EFCAB11: variants seen among roughly 807,000 people sequenced by gnomAD.
EFCAB11 encodes EF-hand calcium-binding domain-containing protein 11.
A neutral mutation model predicts 23.0 loss-of-function variants in EFCAB11; 14 were observed. The observed-to-expected ratio is 0.61, with a 90% CI of 0.40 to 0.95. The LOEUF is 0.95. EFCAB11 is among the 40% of genes least tolerant of loss of function. The probability of loss-of-function intolerance (pLI) is 0.00; values close to 1 mark genes in which losing one functional copy is unlikely to be tolerated. For missense variants in EFCAB11, 198 were observed against 195.8 expected (o/e 1.01, Z -0.07); for synonymous variants, 65 against 66.6 (o/e 0.98, Z 0.11).
chr14:89,799,749 A>G (rs190138957), intron 5 of EFCAB11, among the ~76,000 whole-genome samples: 122 of 151,802 alleles, frequency 8.0e-4, no homozygotes, highest in African/African-American at 2.9e-3. Context: ...GCCCCACAGC[A>G]GAGGATGAAT....
At chr14:89,875,411 T>C (rs1215702764) in intron 5 of EFCAB11, among the ~76,000 whole-genome samples, 1 of 151,998 alleles carries the variant, frequency 6.6e-6, no homozygotes, top group East Asian at 1.9e-4. Flanking sequence ...AGCCAAACCA[T>C]ATAGCCACAC....
In EFCAB11 at chr14:89,822,447, C is replaced by T. The variant is rs561649458; in HGVS notation, c.411-25123G>A. 2.6e-4 allele frequency among the ~76,000 whole-genome samples: 40 copies of T among 152,278 alleles called. No individual in the cohort carries two copies. In the South Asian group the frequency reaches 8.1e-3, roughly 31 times the overall value. ...TCACTGTTTTAAAATTCTCTTCAGA[C>T]AAATACTCCTAAATTTTCAGCACCT... On this transcript the variant is annotated intron_variant, in intron 5 of 5. Coordinates refer to ENST00000316738, the MANE Select transcript of EFCAB11 (RefSeq NM_145231.4).
At chr14:89,865,805 C>G (rs535095997) in intron 5 of EFCAB11, among the ~76,000 whole-genome samples, 1 of 148,342 alleles carries the variant, frequency 6.7e-6, no homozygotes, top group African/African-American at 2.5e-5. Flanking sequence ...GGTGGGATTA[C>G]AGGCGCCCAC....
chr14:89,949,301 C>T (rs1280314884), intron 3 of EFCAB11, among the ~76,000 whole-genome samples: 1 of 152,048 alleles, frequency 6.6e-6, no homozygotes, highest in Non-Finnish European at 1.5e-5. Flanking sequence ...ACCACCAAAA[C>T]CTTTCTTTTG....
intron 5 of EFCAB11, among the ~76,000 whole-genome samples, chr14:89,841,375 C>T (rs909438973): frequency 6.6e-6 from 1 of 151,672 alleles, no homozygotes; most frequent in African/African-American, 2.4e-5. Context: ...TCTCAACCTC[C>T]CTCTCTCCCC....
chr14:89,915,376 G>C (rs1013688862), intron 5 of EFCAB11, among the ~76,000 whole-genome samples: 1 of 152,104 alleles, frequency 6.6e-6, no homozygotes, highest in African/African-American at 2.4e-5. Flanking sequence ...CAAAAACTAC[G>C]AAAAATAACG....
At chr14:89,897,204 T>C (rs1006256938) in intron 5 of EFCAB11, among the ~76,000 whole-genome samples, 2 of 148,680 alleles carry the variant, frequency 1.3e-5, no homozygotes, top group African/African-American at 5.1e-5. Flanking sequence ...TATGTATATG[T>C]GCATTTTTTT....
chr14:89,870,642 C>T (rs1888236547), intron 5 of EFCAB11, among the ~76,000 whole-genome samples: 1 of 151,890 alleles, frequency 6.6e-6, no homozygotes, highest in Admixed American at 6.6e-5. Flanking sequence ...AACAAGATTA[C>T]CATAGCTGGC....
At chr14:89,828,109 T>C (rs879396687) in intron 5 of EFCAB11, among the ~76,000 whole-genome samples, 15 of 152,180 alleles carry the variant, frequency 9.9e-5, no homozygotes, top group Non-Finnish European at 1.9e-4. Flanking sequence ...TTAGTAGCCG[T>C]TTGCATAACA....
intron 5 of EFCAB11, among the ~76,000 whole-genome samples, chr14:89,891,787 CGCGGCCATG>C (rs939275206): frequency 3.3e-5 from 5 of 152,242 alleles, no homozygotes; most frequent in Non-Finnish European, 5.9e-5. Flanking sequence ...AGGATAGGGA[CGCGGCCATG>C]GAGGCCGAGG....
chr14:89,937,325 T>C (rs1890620956), intron 3 of EFCAB11, among the ~76,000 whole-genome samples: 1 of 152,184 alleles, frequency 6.6e-6, no homozygotes, highest in Admixed American at 6.5e-5. Flanking sequence ...GGGCTTCCCA[T>C]TCTTCCCTAT....
intron 5 of EFCAB11, among the ~76,000 whole-genome samples, chr14:89,805,058 G>A (rs1424520773): frequency 6.6e-6 from 1 of 152,218 alleles, no homozygotes; most frequent in African/African-American, 2.4e-5. Flanking sequence ...TGTTTAGGAT[G>A]AACTGTGAAG....
intron 5 of EFCAB11, among the ~76,000 whole-genome samples, chr14:89,912,055 G>C (rs1302746069): frequency 1.3e-5 from 2 of 152,224 alleles, no homozygotes; most frequent in African/African-American, 4.8e-5. Context: ...CCAGAGAATT[G>C]TTCTAGAACA....
intron 5 of EFCAB11, among the ~76,000 whole-genome samples, chr14:89,885,346 C>A (rs1483710487): frequency 1.3e-5 from 2 of 152,074 alleles, no homozygotes; most frequent in Non-Finnish European, 2.9e-5. Context: ...TCAGTTCTCC[C>A]CAAATTGATC....
chr14:89,873,221 A>G lies in EFCAB11; in HGVS notation c.410+58320T>C, dbSNP rs1888337517. On this transcript the variant is annotated intron_variant, in intron 5 of 5. Coordinates refer to ENST00000316738, the MANE Select transcript of EFCAB11 (RefSeq NM_145231.4). Reference sequence around the variant, plus strand: ...TGGCGGCAGGCAAGAGAACTTGTGCAGGGGAACTCCCGTTTATAAAACCAT... The same window carrying G: ...TGGCGGCAGGCAAGAGAACTTGTGCGGGGGAACTCCCGTTTATAAAACCAT... 3.3e-5 allele frequency among the ~76,000 whole-genome samples: 5 copies of G among 152,326 alleles called. 1 individual carries two copies. In the South Asian group the frequency reaches 1.0e-3, roughly 32 times the overall value.
rs181318228 is a variant in EFCAB11, at chr14:89,906,716, A to T, written c.410+24825T>A. Among the ~76,000 whole-genome samples the T allele has an allele frequency of 3.9e-5, 6 of 152,276 alleles. No homozygotes were observed. In the East Asian group the frequency reaches 1.2e-3, roughly 29 times the overall value. On this transcript the variant is annotated intron_variant, in intron 5 of 5. Transcript: ENST00000316738. ...TGAAAATAAGATTAAAGAGTATAAC[A>T]TTTTATGGTAATGTTGTAGCCAGGA...
intron 5 of EFCAB11, among the ~76,000 whole-genome samples, chr14:89,842,609 TATG>T (rs963603202): frequency 2.0e-5 from 3 of 149,154 alleles, no homozygotes; most frequent in Non-Finnish European, 3.0e-5. Flanking sequence ...TATGATATGA[TATG>T]ATATGATATG....
At chr14:89,839,215 G>A (rs1887181245) in intron 5 of EFCAB11, among the ~76,000 whole-genome samples, 1 of 152,198 alleles carries the variant, frequency 6.6e-6, no homozygotes, top group Non-Finnish European at 1.5e-5. Flanking sequence ...GTTAAGGCAA[G>A]AAGGCAGGTA....
At chr14:89,890,048 A>G (rs1250018480) in intron 5 of EFCAB11, among the ~76,000 whole-genome samples, 1 of 152,236 alleles carries the variant, frequency 6.6e-6, no homozygotes, top group Non-Finnish European at 1.5e-5. Context: ...ACACTTGGAC[A>G]CAGTTAATCA....
Sources: allele counts gnomAD v4.1 joint callset (sites outside exome capture counted in the v4.1 genomes callset), GRCh38; gene constraint gnomAD v4.1.1; transcripts MANE v1.5; gene names NCBI Gene and HGNC (gene_info 2026-07-23, HGNC 2026-07-21).